FAM193A: variants seen among roughly 807,000 people sequenced by gnomAD.
FAM193A encodes the protein protein FAM193A.
A neutral mutation model predicts 126.5 loss-of-function variants in FAM193A; 22 were observed. The observed-to-expected ratio is 0.17, with a 90% CI of 0.12 to 0.25. The LOEUF (loss-of-function observed/expected upper bound fraction) is 0.25. Ranked by LOEUF, FAM193A falls within the 10% of genes least tolerant of loss-of-function variation. The pLI is 1.00. For synonymous variants in FAM193A, 761 were observed against 646.8 expected (o/e 1.18, Z -2.68); for missense variants, 1,675 against 1,672.8 (o/e 1.00, Z -0.02).
chr4:2,716,058 A>T lies in FAM193A; in HGVS notation c.4408A>T (p.Ser1470Cys). The T allele has an allele frequency of 1.2e-6, 2 of 1,607,990 alleles. No individual in the cohort carries two copies. The highest frequency in any genetic ancestry group is 1.7e-6 in the Non-Finnish European group (2 of 1,174,328). The change falls in exon 20 of 21, where the codon AGT becomes TGT. Residue 1470 changes from serine (S) to cysteine (C), a missense_variant. Ser to Cys is a moderately radical substitution (Grantham distance 112, BLOSUM62 -1). Around this residue, in one of 4 missense-constraint regions of FAM193A, gnomAD observed 415 missense variants for 396.7 expected, o/e 1.05. Coordinates refer to ENST00000637812, the MANE Select transcript of FAM193A (RefSeq NM_001366318.2). ...VFLPKDIDLD[S>C]VDMDETEREV... ...TCTACCTAAAGATATTGACCTAGAC[A>T]GTGTGGATATGGATGAGACAGAGAG...
chr4:2,659,220 C>A (rs1167131320), intron 8 of FAM193A, among the ~76,000 whole-genome samples: 1 of 152,214 alleles, frequency 6.6e-6, no homozygotes, highest in South Asian at 2.1e-4. Context: ...TGCCACTTTT[C>A]ATTCCTACAG....
At chr4:2,550,620 C>G (rs79101055) in intron 1 of FAM193A, among the ~76,000 whole-genome samples, 1 of 149,690 alleles carries the variant, frequency 6.7e-6, no homozygotes, top group Non-Finnish European at 1.5e-5. Flanking sequence ...ATTTTTAGTA[C>G]AGACGGGGTT....
At chr4:2,624,536 T>C (rs954286383) in intron 2 of FAM193A, among the ~76,000 whole-genome samples, 1 of 152,218 alleles carries the variant, frequency 6.6e-6, no homozygotes, top group African/African-American at 2.4e-5. Context: ...CCCCGGCTGC[T>C]TGATGCAAGG....
chr4:2,661,099 T>C (rs1038731472), intron 10 of FAM193A, among the ~76,000 whole-genome samples: 1 of 152,244 alleles, frequency 6.6e-6, no homozygotes, highest in African/African-American at 2.4e-5. Context: ...ATGTCAGTTA[T>C]GGTCTCTTGT....
chr4:2,649,131 T>C (rs755483381), intron 7 of FAM193A, among the ~76,000 whole-genome samples: 7 of 152,180 alleles, frequency 4.6e-5, no homozygotes, highest in Non-Finnish European at 1.0e-4. Flanking sequence ...TTCAGCACTT[T>C]GGGAGGCTAA....
chr4:2,555,646 C>G (rs866804277), intron 1 of FAM193A, among the ~76,000 whole-genome samples: 1 of 152,140 alleles, frequency 6.6e-6, no homozygotes, highest in African/African-American at 2.4e-5. Flanking sequence ...GAGACAGAGT[C>G]TCGCTCTGTC....
intron 12 of FAM193A, among the ~76,000 whole-genome samples, chr4:2,665,315 G>T (rs1712987643): frequency 6.6e-6 from 1 of 152,136 alleles, no homozygotes; most frequent in Non-Finnish European, 1.5e-5. Flanking sequence ...GTGTTCTGCA[G>T]CTTTACTAAA....
intron 19 of FAM193A, among the ~76,000 whole-genome samples, chr4:2,708,533 G>T (rs1718567429): frequency 6.6e-6 from 1 of 151,830 alleles, no homozygotes; most frequent in Admixed American, 6.6e-5. Flanking sequence ...CGCGATCTTG[G>T]ATCACTGCAG....
At chr4:2,580,147 G>A (rs1739836810) in intron 1 of FAM193A, among the ~76,000 whole-genome samples, 1 of 152,148 alleles carries the variant, frequency 6.6e-6, no homozygotes, top group Admixed American at 6.5e-5. Context: ...TGGAGCTAGA[G>A]GCCATTATCC....
chr4:2,698,236 G>A (rs1015374528), intron 18 of FAM193A, among the ~76,000 whole-genome samples: 12 of 152,232 alleles, frequency 7.9e-5, no homozygotes, highest in African/African-American at 2.9e-4. Flanking sequence ...GGAGACCAGG[G>A]CACCTGCCTT....
chr4:2,585,833 C>G (rs1370062694), intron 1 of FAM193A, among the ~76,000 whole-genome samples: 1 of 152,110 alleles, frequency 6.6e-6, no homozygotes, highest in Non-Finnish European at 1.5e-5. Flanking sequence ...GAGGCTGAGG[C>G]AGGGATAATT....
At chr4:2,603,144 G>GTATATA (rs752552663) in intron 2 of FAM193A, among the ~76,000 whole-genome samples, 1 of 147,408 alleles carries the variant, frequency 6.8e-6, no homozygotes, top group East Asian at 2.0e-4. Flanking sequence ...AATTTTGTGT[G>GTATATA]TATATATATA....
intron 15 of FAM193A, among the ~76,000 whole-genome samples, chr4:2,691,423 G>C (rs1438738943): frequency 6.6e-6 from 1 of 152,136 alleles, no homozygotes; most frequent in African/African-American, 2.4e-5. Context: ...CACCATTTTG[G>C]CCAGGCTAGG....
In FAM193A at chr4:2,693,780, A is replaced by G. The variant is rs746789907; in HGVS notation, c.2998A>G (p.Thr1000Ala). 1.9e-6 allele frequency: 3 copies of G among 1,613,174 alleles called. No individual in the cohort carries two copies. In the South Asian group the frequency reaches 3.3e-5, roughly 18 times the overall value. Residue 1000 changes from threonine (T) to alanine (A), a missense_variant, in exon 16 of 21, where the codon ACT becomes GCT. Coordinates refer to ENST00000637812, the MANE Select transcript of FAM193A (RefSeq NM_001366318.2). ...ATCATTCCCCAAAACAGCAACCACA[A>G]CTCCTGGGTTTGTGGACACACGCAA... Reference protein sequence around the residue: ...APSFPKTATTTPGFVDTRKSF... With the variant: ...APSFPKTATTAPGFVDTRKSF...
At chr4:2,715,982 G>A (rs368838117) in intron 19 of FAM193A, 41 bp from the exon 20 acceptor site, 17 of 1,064,538 alleles carry the variant, frequency 1.6e-5, no homozygotes, top group South Asian at 2.5e-5. Flanking sequence ...AAGATAGCCT[G>A]CTGCTGTAAT....
chr4:2,549,949 G>T (rs1022688277), intron 1 of FAM193A, among the ~76,000 whole-genome samples: 13 of 149,572 alleles, frequency 8.7e-5, no homozygotes, highest in African/African-American at 3.2e-4. Flanking sequence ...GGCTGATCTC[G>T]AACTCCTGAC....
intron 1 of FAM193A, among the ~76,000 whole-genome samples, chr4:2,571,015 C>CA (rs1301293396): frequency 6.6e-6 from 1 of 152,184 alleles, no homozygotes; most frequent in Non-Finnish European, 1.5e-5. Context: ...GGGGTGTGGG[C>CA]AGCTGTCTGT....
intron 2 of FAM193A, among the ~76,000 whole-genome samples, chr4:2,616,888 G>A (rs1243548808): frequency 6.8e-6 from 1 of 148,100 alleles, no homozygotes; most frequent in African/African-American, 2.5e-5. Flanking sequence ...ATTTTAAGTG[G>A]CTGGGCGTGG....
chr4:2,712,245 T>C (rs1043281750), intron 19 of FAM193A, among the ~76,000 whole-genome samples: 2 of 152,222 alleles, frequency 1.3e-5, no homozygotes, highest in Non-Finnish European at 2.9e-5. Flanking sequence ...CATATATGTA[T>C]ACACCTCCAT....
Sources: gnomAD v4.1 joint callset for allele counts (sites outside exome capture counted in the v4.1 genomes callset) on GRCh38, gnomAD v4.1.1 for gene constraint, gnomAD v4.1.1 regional missense constraint, MANE v1.5 for transcripts, NCBI Gene and HGNC (gene_info 2026-07-23, HGNC 2026-07-21) for gene names.